The following TLE4 variants were observed in gnomAD, a reference collection of about 807,000 sequenced individuals.
The protein encoded by TLE4 is TLE family member 4, transcriptional corepressor.
TLE4 carries 8 observed loss-of-function variants against 92.8 expected under a neutral mutation model. The observed-to-expected ratio is 0.09, with a 90% confidence interval of 0.05 to 0.16. TLE4 has a LOEUF of 0.16. Ranked by LOEUF, TLE4 falls within the 10% of genes least tolerant of loss-of-function variation. The probability of loss-of-function intolerance (pLI) is 1.00; values close to 1 mark genes in which losing one functional copy is unlikely to be tolerated. For missense variants in TLE4, 675 were observed against 997.6 expected (o/e 0.68, Z 4.36); for synonymous variants, 371 against 374.1 (o/e 0.99, Z 0.10).
chr9:79,714,244 ACTCCCTTTATCC>A (rs966727630), intron 14 of TLE4, among the ~76,000 whole-genome samples: 2 of 151,992 alleles, frequency 1.3e-5, no homozygotes, highest in Non-Finnish European at 2.9e-5. Context: ...GTAATGGCAC[ACTCCCTTTATCC>A]CTCAAAAATC....
intron 8 of TLE4, among the ~76,000 whole-genome samples, chr9:79,665,400 C>G (rs188109618): frequency 6.6e-6 from 1 of 152,244 alleles, no homozygotes; most frequent in East Asian, 1.9e-4. Flanking sequence ...TATGGAATTG[C>G]GATATGCTGC....
At chr9:79,621,617 C>A (rs1042216683) in intron 5 of TLE4, among the ~76,000 whole-genome samples, 2 of 152,048 alleles carry the variant, frequency 1.3e-5, no homozygotes, top group Admixed American at 1.3e-4. Context: ...GAGATTGATT[C>A]ATTGGATAGA....
intron 4 of TLE4, among the ~76,000 whole-genome samples, chr9:79,596,630 GAGAC>G (rs4011889): frequency 0.15 from 22,923 of 151,990 alleles, 1,865 homozygotes; most frequent in African/African-American, 0.2. Context: ...TCTTAATTGA[GAGAC>G]AGAAAGAGCC....
chr9:79,685,671 T>G (rs2065689268), intron 8 of TLE4, among the ~76,000 whole-genome samples: 1 of 152,216 alleles, frequency 6.6e-6, no homozygotes, highest in African/African-American at 2.4e-5. Context: ...TCACAAAATA[T>G]CTAAAGATAA....
At chr9:79,666,668 GA>G (rs972923526) in intron 8 of TLE4, among the ~76,000 whole-genome samples, 3 of 152,162 alleles carry the variant, frequency 2.0e-5, no homozygotes, top group African/African-American at 7.2e-5. Context: ...AGCAGTAATA[GA>G]AATAAAATCA....
intron 6 of TLE4, among the ~76,000 whole-genome samples, chr9:79,632,513 A>G (rs915840788): frequency 6.6e-6 from 1 of 152,104 alleles, no homozygotes; most frequent in Non-Finnish European, 1.5e-5. Flanking sequence ...GCCTCAAGCT[A>G]CTTAAGGGGG....
At chr9:79,617,981 C>G (rs555593807) in intron 5 of TLE4, among the ~76,000 whole-genome samples, 443 of 152,294 alleles carry the variant, frequency 2.9e-3, no homozygotes, top group Non-Finnish European at 5.3e-3. Context: ...TGTGTCTTGC[C>G]CCAGCGTCAG....
chr9:79,651,183 A>T (rs1240866969), intron 6 of TLE4, among the ~76,000 whole-genome samples: 1 of 152,146 alleles, frequency 6.6e-6, no homozygotes, highest in East Asian at 1.9e-4. Context: ...TAAAGGCAAA[A>T]ACTAAAATTC....
intron 4 of TLE4, among the ~76,000 whole-genome samples, chr9:79,612,031 A>G (rs751258506): frequency 9.9e-5 from 15 of 151,936 alleles, no homozygotes; most frequent in Non-Finnish European, 1.5e-4. Context: ...AGCATATCTC[A>G]ACCTCTGCAC....
chr9:79,631,746 CA>C (rs2054314637), intron 6 of TLE4, among the ~76,000 whole-genome samples: 1 of 149,934 alleles, frequency 6.7e-6, no homozygotes, highest in African/African-American at 2.5e-5. Context: ...TTATAGATTT[CA>C]AAACTGCCAT....
intron 4 of TLE4, among the ~76,000 whole-genome samples, chr9:79,585,828 A>G (rs1410256145): frequency 6.6e-6 from 1 of 152,012 alleles, no homozygotes; most frequent in Non-Finnish European, 1.5e-5. Flanking sequence ...GTAAACCCCA[A>G]TAATAAAGCA....
At chr9:79,589,726 A>C (rs1456060382) in intron 4 of TLE4, among the ~76,000 whole-genome samples, 2 of 152,070 alleles carry the variant, frequency 1.3e-5, no homozygotes, top group Admixed American at 6.5e-5. Flanking sequence ...CATTTTAACC[A>C]TTCTCCTGAG....
At chr9:79,577,710 T>A (rs2038314626) in intron 4 of TLE4, among the ~76,000 whole-genome samples, 1 of 152,198 alleles carries the variant, frequency 6.6e-6, no homozygotes, top group Admixed American at 6.5e-5. Context: ...TTAATTAGTG[T>A]CTTTTTAAAG....
intron 8 of TLE4, among the ~76,000 whole-genome samples, chr9:79,690,728 T>C (rs964164254): frequency 6.6e-6 from 1 of 151,136 alleles, no homozygotes; most frequent in Non-Finnish European, 1.5e-5. Context: ...CTTCCCACTT[T>C]AACCTTCCCA....
chr9:79,675,932 G>A (rs10867408), intron 8 of TLE4, among the ~76,000 whole-genome samples: 80,328 of 151,922 alleles, frequency 0.53, 23,919 homozygotes, highest in East Asian at 0.73. Context: ...TTTTAAATGC[G>A]CAATGAACAT....
At chr9:79,701,166 G>C (rs1421481343) in intron 8 of TLE4, among the ~76,000 whole-genome samples, 2 of 152,200 alleles carry the variant, frequency 1.3e-5, no homozygotes, top group Non-Finnish European at 2.9e-5. Flanking sequence ...TCTGTGCCAA[G>C]TCCAATTTGA....
At chr9:79,680,021 C>A (rs1480814665) in intron 8 of TLE4, among the ~76,000 whole-genome samples, 1 of 151,914 alleles carries the variant, frequency 6.6e-6, no homozygotes, top group Non-Finnish European at 1.5e-5. Context: ...TTACTGTAGC[C>A]TTGTAGTATA....
intron 1 of TLE4, chr9:79,573,308 C>G (rs540095003): frequency 5.8e-6 from 6 of 1,042,986 alleles, no homozygotes; most frequent in Non-Finnish European, 7.0e-6. Context: ...CCCTCCTCCC[C>G]CGGCCTGACC....
chr9:79,628,580 CA>C (rs199982958), intron 6 of TLE4, among the ~76,000 whole-genome samples: 10 of 136,022 alleles, frequency 7.4e-5, no homozygotes, highest in East Asian at 2.1e-4. Flanking sequence ...TCCCTCTGAC[CA>C]AAAAAAAAAC....
Sources: allele counts gnomAD v4.1 joint callset (sites outside exome capture counted in the v4.1 genomes callset), GRCh38; gene constraint gnomAD v4.1.1; transcripts MANE v1.5; gene names NCBI Gene and HGNC (gene_info 2026-07-23, HGNC 2026-07-21).